Variants in TENM2 observed in about 807,000 individuals in gnomAD.
TENM2 encodes teneurin-2.
In TENM2, 52 loss-of-function variants were observed where a neutral mutation model predicts 245.2. That is an observed-to-expected ratio of 0.21 (90% confidence interval 0.17 to 0.27). The LOEUF (loss-of-function observed/expected upper bound fraction) is 0.27, where lower values mean the gene tolerates loss of function less well. TENM2 is among the 10% of genes least tolerant of loss of function. TENM2 has a pLI of 1.00. For synonymous variants in TENM2, 1,363 were observed against 1,438.9 expected, an observed-to-expected ratio of 0.95 and a Z score of 1.19; for missense variants, 3,046 against 3,666.8, an observed-to-expected ratio of 0.83 and a Z score of 4.37.
At chr5:167,475,797 C>T (rs1365582365) in intron 2 of TENM2, among the ~76,000 whole-genome samples, 1 of 152,084 alleles carries the variant, frequency 6.6e-6, no homozygotes, top group Admixed American at 6.6e-5. Flanking sequence ...TGACTTCCAG[C>T]TTCAGCCATG....
chr5:168,190,422 A>T (rs775347020), exon 14 of TENM2: 7 of 1,613,946 alleles, frequency 4.3e-6, no homozygotes, highest in Non-Finnish European at 5.9e-6. Context: ...CCCGGGACCC[A>T]CTGGACATCA....
At chr5:168,191,482 T>G (rs1373692546) in intron 14 of TENM2, among the ~76,000 whole-genome samples, 1 of 151,664 alleles carries the variant, frequency 6.6e-6, no homozygotes. Context: ...GTGGTCTAAT[T>G]GGGGATGCCC....
intron 9 of TENM2, among the ~76,000 whole-genome samples, chr5:168,109,756 T>C (rs750851): frequency 0.25 from 38,266 of 152,120 alleles, 5,305 homozygotes; most frequent in African/African-American, 0.35. Flanking sequence ...GAACTTTGCT[T>C]GGACTGCCCA....
intron 3 of TENM2, among the ~76,000 whole-genome samples, chr5:167,912,133 T>C (rs1204008922): frequency 1.3e-5 from 2 of 152,198 alleles, no homozygotes; most frequent in African/African-American, 4.8e-5. Context: ...ATTTTGTATC[T>C]TTTGACCAAC....
chr5:167,927,092 TTG>T (rs371670694), intron 3 of TENM2, among the ~76,000 whole-genome samples: 10 of 151,792 alleles, frequency 6.6e-5, no homozygotes, highest in Non-Finnish European at 1.0e-4. Flanking sequence ...ATGCCTGCAT[TTG>T]TGTGTGTGTG....
intron 2 of TENM2, among the ~76,000 whole-genome samples, chr5:167,801,109 A>ATATATATATAT (rs1554120916): frequency 3.0e-5 from 2 of 66,556 alleles, no homozygotes; most frequent in Non-Finnish European, 5.3e-5. Flanking sequence ...AAAAAAAAAA[A>ATATATATATAT]ATATATATAT....
At chr5:167,513,850 C>T (rs1373910003) in intron 2 of TENM2, among the ~76,000 whole-genome samples, 2 of 151,962 alleles carry the variant, frequency 1.3e-5, no homozygotes, top group Non-Finnish European at 1.5e-5. Flanking sequence ...ATCGAGTTGG[C>T]GAGCAGTCAT....
chr5:168,148,921 TGATA>T (rs200672771), intron 12 of TENM2, among the ~76,000 whole-genome samples: 8,734 of 122,438 alleles, frequency 0.071, 324 homozygotes, highest in Middle Eastern at 0.11. Flanking sequence ...ATAGATAGAT[TGATA>T]GATAGCACAA....
the TENM2 span, among the ~76,000 whole-genome samples, chr5:167,035,457 T>C: frequency 6.6e-6 from 1 of 152,268 alleles, no homozygotes; most frequent in Non-Finnish European, 1.5e-5. Flanking sequence ...ATTCAGATTA[T>C]TTGATGTTAG....
chr5:167,253,254 CTT>C, the TENM2 span, among the ~76,000 whole-genome samples: 7 of 137,244 alleles, frequency 5.1e-5, no homozygotes, highest in African/African-American at 1.3e-4. Flanking sequence ...ACAGGCCTGG[CTT>C]TTTTTTTTTT....
At chr5:167,794,703 A>G (rs1231183214) in intron 2 of TENM2, among the ~76,000 whole-genome samples, 1 of 152,228 alleles carries the variant, frequency 6.6e-6, no homozygotes, top group Admixed American at 6.5e-5. Context: ...AACACTGTGG[A>G]AAAGAAAAAG....
chr5:166,990,275 G>GTAAAATTTTT, the TENM2 span, among the ~76,000 whole-genome samples: 1 of 152,114 alleles, frequency 6.6e-6, no homozygotes, highest in Middle Eastern at 3.2e-3. Context: ...TGCATCTGAA[G>GTAAAATTTTT]GCTCAGCCTT....
chr5:167,216,226 GC>G, the TENM2 span, among the ~76,000 whole-genome samples: 1 of 152,202 alleles, frequency 6.6e-6, no homozygotes, highest in African/African-American at 2.4e-5. Context: ...GGCCAGCCTT[GC>G]TTCCACCTAC....
At chr5:168,032,562 G>A (rs901024523) in intron 5 of TENM2, among the ~76,000 whole-genome samples, 23 of 152,142 alleles carry the variant, frequency 1.5e-4, no homozygotes, top group Non-Finnish European at 2.1e-4. Context: ...ACCTCAAAGC[G>A]AGAAGGACCG....
chr5:167,590,023 CTTTG>C (rs1025528659), intron 2 of TENM2, among the ~76,000 whole-genome samples: 20 of 151,442 alleles, frequency 1.3e-4, no homozygotes, highest in African/African-American at 2.9e-4. Flanking sequence ...ATAGTAATTA[CTTTG>C]TTTGATTTAT....
At chr5:167,942,701 G>A (rs1449511070) in intron 3 of TENM2, among the ~76,000 whole-genome samples, 2 of 152,094 alleles carry the variant, frequency 1.3e-5, no homozygotes, top group Non-Finnish European at 1.5e-5. Context: ...GCTCAGCAGC[G>A]GGGTACTTCT....
chr5:167,075,897 A>G, the TENM2 span, among the ~76,000 whole-genome samples: 1 of 152,204 alleles, frequency 6.6e-6, no homozygotes. Flanking sequence ...TTAGAGTGTC[A>G]TTCTGAGCTC....
chr5:168,044,754 C>T (rs1283394081), intron 5 of TENM2, among the ~76,000 whole-genome samples: 2 of 152,024 alleles, frequency 1.3e-5, no homozygotes, highest in East Asian at 3.9e-4. Context: ...GATTTCTCAG[C>T]CCAAGCCATA....
chr5:167,021,366 A>G, the TENM2 span, among the ~76,000 whole-genome samples: 1 of 152,216 alleles, frequency 6.6e-6, no homozygotes, highest in Non-Finnish European at 1.5e-5. Flanking sequence ...CAGGAAATTA[A>G]TTGTGGTAAA....
Sources: allele counts gnomAD v4.1 joint callset (sites outside exome capture counted in the v4.1 genomes callset), GRCh38; gene constraint gnomAD v4.1.1; transcripts MANE v1.5; gene names NCBI Gene and HGNC (gene_info 2026-07-23, HGNC 2026-07-21).